PRELID2: variants seen among roughly 807,000 people sequenced by gnomAD.
PRELID2 encodes PRELI domain-containing protein 2.
A neutral mutation model predicts 28.4 loss-of-function variants in PRELID2; 25 were observed. The ratio of observed to expected loss-of-function variants is 0.88; its 90% confidence interval spans 0.64 to 1.23. The LOEUF (loss-of-function observed/expected upper bound fraction) is 1.23, where lower values mean the gene tolerates loss of function less well. Among genes scored for constraint, PRELID2 ranks in the 50% most tolerant of loss-of-function variants. The probability of loss-of-function intolerance (pLI) is 0.00; values close to 1 mark genes in which losing one functional copy is unlikely to be tolerated. For synonymous variants in PRELID2, 76 were observed against 71.6 expected (o/e 1.06, Z -0.31); for missense variants, 201 against 214.4 (o/e 0.94, Z 0.39).
At chr5:145,512,942 A>T (rs1313336161) in intron 1 of PRELID2, among the ~76,000 whole-genome samples, 1 of 152,174 alleles carries the variant, frequency 6.6e-6, no homozygotes, top group African/African-American at 2.4e-5. Flanking sequence ...TAGCATCAAC[A>T]TCAACAAAAA....
the PRELID2 span, among the ~76,000 whole-genome samples, chr5:145,247,873 CTCTT>C: frequency 6.6e-6 from 1 of 152,084 alleles, no homozygotes; most frequent in African/African-American, 2.4e-5. Context: ...TTTATCATGT[CTCTT>C]TATTATACTG....
the PRELID2 span, among the ~76,000 whole-genome samples, chr5:145,431,006 GTTTTTTTT>G: frequency 5.6e-3 from 310 of 55,566 alleles, 4 homozygotes; most frequent in African/African-American, 0.017. Context: ...CCTGGCAATG[GTTTTTTTT>G]TTTTTTTTTT....
At chr5:145,650,181 CG>C (rs149738241) in intron 1 of PRELID2, among the ~76,000 whole-genome samples, 9,151 of 152,076 alleles carry the variant, frequency 0.06, 916 homozygotes, top group African/African-American at 0.21. Context: ...TCTTCCCTAG[CG>C]TTGCCCTGAA....
At chr5:145,367,724 T>C in the PRELID2 span, among the ~76,000 whole-genome samples, 3 of 151,954 alleles carry the variant, frequency 2.0e-5, no homozygotes, top group East Asian at 1.9e-4. Flanking sequence ...CCTTTTTGAA[T>C]TGACTTCTTT....
downstream of PRELID2, among the ~76,000 whole-genome samples, chr5:145,469,229 A>G (rs1422402737): frequency 6.6e-6 from 1 of 152,086 alleles, no homozygotes; most frequent in Non-Finnish European, 1.5e-5. Flanking sequence ...ACATTTTGTT[A>G]TCTTAAAATA....
At chr5:145,834,938 A>G in intron 1 of PRELID2, 1 of 426,926 alleles carries the variant, frequency 2.3e-6, no homozygotes, top group Non-Finnish European at 4.2e-6. Context: ...TCTTCCTAAA[A>G]GGAAAGCCTC....
At chr5:145,622,588 G>A (rs1315262695) in intron 1 of PRELID2, among the ~76,000 whole-genome samples, 1 of 152,002 alleles carries the variant, frequency 6.6e-6, no homozygotes, top group Non-Finnish European at 1.5e-5. Flanking sequence ...TTAACCTACT[G>A]GGCAAAAATA....
intron 1 of PRELID2, among the ~76,000 whole-genome samples, chr5:145,830,575 C>T (rs2149890131): frequency 6.6e-6 from 1 of 152,284 alleles, no homozygotes; most frequent in South Asian, 2.1e-4. Context: ...GTGATAAGAG[C>T]TAGAAAGCTA....
chr5:145,574,969 C>A (rs1159001804), intron 1 of PRELID2, among the ~76,000 whole-genome samples: 1 of 152,174 alleles, frequency 6.6e-6, no homozygotes, highest in East Asian at 1.9e-4. Context: ...TTGGTTGAAT[C>A]CATGAAAGTG....
intron 1 of PRELID2, among the ~76,000 whole-genome samples, chr5:145,501,625 C>T (rs1561495058): frequency 1.3e-5 from 2 of 152,120 alleles, no homozygotes; most frequent in Admixed American, 1.3e-4. Context: ...ATATCTTTTG[C>T]CTTCCACCAT....
At chr5:145,235,871 T>C in the PRELID2 span, among the ~76,000 whole-genome samples, 3 of 151,566 alleles carry the variant, frequency 2.0e-5, no homozygotes, top group South Asian at 2.1e-4. Context: ...TGGTGAAGAA[T>C]GTCAAAAGTG....
chr5:145,488,645 T>G (rs1237785593), intron 1 of PRELID2, among the ~76,000 whole-genome samples: 2 of 152,238 alleles, frequency 1.3e-5, no homozygotes, highest in Non-Finnish European at 2.9e-5. Context: ...TGGCATTCAG[T>G]ATTACGTAAG....
Position 145,549,565 on chromosome 5 carries a change from C to T in PRELID2, n.71-76250G>A, listed in dbSNP as rs74582288. On this transcript the variant is annotated intron_variant and non_coding_transcript_variant, in intron 1 of 2. Coordinates refer to the PRELID2 transcript ENST00000510259. ...AGCACTTTGGGATTACAGGCCGAGGCGGACGGAGCACGAGGTCAGGAGATT... is the reference window on the plus strand; with the variant it reads ...AGCACTTTGGGATTACAGGCCGAGGTGGACGGAGCACGAGGTCAGGAGATT... 4.7e-4 allele frequency among the ~76,000 whole-genome samples: 71 copies of T among 152,164 alleles called. No homozygotes were observed. In the East Asian group the frequency reaches 9.5e-3, roughly 20 times the overall value.
At chr5:145,764,848 G>A (rs753610429) in intron 6 of PRELID2, 83 bp downstream of exon 6, 1 of 950,942 alleles carries the variant, frequency 1.1e-6, no homozygotes, top group Non-Finnish European at 1.7e-6. Context: ...GAATAGCCCA[G>A]GGAGGCTGCT....
At chr5:145,742,054 A>G (rs1194175659) in intron 1 of PRELID2, among the ~76,000 whole-genome samples, 1 of 114,554 alleles carries the variant, frequency 8.7e-6, no homozygotes, top group African/African-American at 3.4e-5. Context: ...AATAAATTTT[A>G]TTAATTTATT....
At chr5:145,264,594 G>A in the PRELID2 span, among the ~76,000 whole-genome samples, 2 of 152,056 alleles carry the variant, frequency 1.3e-5, no homozygotes, top group African/African-American at 2.4e-5. Context: ...GGACAAGGAT[G>A]CCCACCTTCA....
At chr5:145,822,509 C>T (rs954737766) in intron 2 of PRELID2, among the ~76,000 whole-genome samples, 1 of 152,108 alleles carries the variant, frequency 6.6e-6, no homozygotes, top group African/African-American at 2.4e-5. Flanking sequence ...CTTGTCAACT[C>T]CTGATTTAGT....
intron 1 of PRELID2, among the ~76,000 whole-genome samples, chr5:145,565,446 A>C (rs1752956686): frequency 6.6e-6 from 1 of 152,248 alleles, no homozygotes; most frequent in African/African-American, 2.4e-5. Flanking sequence ...CATCCAATTC[A>C]ACTGTAAATC....
At chr5:145,624,488 C>T (rs76221805) in intron 1 of PRELID2, among the ~76,000 whole-genome samples, 3,062 of 151,846 alleles carry the variant, frequency 0.02, 113 homozygotes, top group African/African-American at 0.071. Flanking sequence ...CCTGGAGATT[C>T]CAAAAGGATT....
Sources: gnomAD v4.1 joint callset for allele counts (sites outside exome capture counted in the v4.1 genomes callset) on GRCh38, gnomAD v4.1.1 for gene constraint, MANE v1.5 for transcripts, NCBI Gene and HGNC (gene_info 2026-07-23, HGNC 2026-07-21) for gene names.